SUCLG2: variants seen among roughly 807,000 people sequenced by gnomAD.
SUCLG2 encodes succinate--CoA ligase [GDP-forming] subunit beta, mitochondrial.
A neutral mutation model predicts 47.9 loss-of-function variants in SUCLG2; 42 were observed. The observed-to-expected ratio is 0.88, with a 90% CI of 0.69 to 1.14. The LOEUF (loss-of-function observed/expected upper bound fraction) is 1.14. Ranked by LOEUF, SUCLG2 falls within the 50% of genes most tolerant of loss-of-function variation. The pLI, the probability that SUCLG2 is intolerant of heterozygous loss-of-function variation, is 0.00. For missense variants in SUCLG2, 571 were observed against 525.9 expected (o/e 1.09, Z -0.84); for synonymous variants, 195 against 197.3 (o/e 0.99, Z 0.10).
intron 10 of SUCLG2, among the ~76,000 whole-genome samples, chr3:67,385,254 G>A (rs1702236350): frequency 6.6e-6 from 1 of 152,132 alleles, no homozygotes; most frequent in South Asian, 2.1e-4. Context: ...TATAAAAATG[G>A]CCACACCCAC....
intron 9 of SUCLG2, among the ~76,000 whole-genome samples, chr3:67,406,366 T>C (rs893889001): frequency 6.6e-6 from 1 of 152,132 alleles, no homozygotes; most frequent in Admixed American, 6.6e-5. Flanking sequence ...AGGTTCTATA[T>C]ATCTAAAACT....
At chr3:67,410,869 A>G (rs1702918960) in intron 9 of SUCLG2, among the ~76,000 whole-genome samples, 2 of 152,352 alleles carry the variant, frequency 1.3e-5, no homozygotes, top group Non-Finnish European at 2.9e-5. Flanking sequence ...CAGGATACTC[A>G]TTGCTTATAA....
chr3:67,488,934 T>G (rs1447444139), intron 9 of SUCLG2, among the ~76,000 whole-genome samples: 1 of 152,186 alleles, frequency 6.6e-6, no homozygotes, highest in African/African-American at 2.4e-5. Context: ...TCTGTTAAAT[T>G]ATTCAAGTCA....
chr3:67,400,541 A>G, intron 10 of SUCLG2, among the ~76,000 whole-genome samples, 190 bp downstream of exon 10: 1 of 152,174 alleles, frequency 6.6e-6, no homozygotes, highest in Middle Eastern at 3.2e-3. Flanking sequence ...AACACCTGCC[A>G]TACTTGGAGA....
intron 6 of SUCLG2, among the ~76,000 whole-genome samples, chr3:67,512,919 CTATA>C (rs1217085096): frequency 1.3e-5 from 2 of 150,476 alleles, no homozygotes; most frequent in East Asian, 3.9e-4. Context: ...ACACCCCCCT[CTATA>C]TATACGCACA....
At chr3:67,614,576 C>T (rs1700590672) in intron 1 of SUCLG2, among the ~76,000 whole-genome samples, 1 of 152,028 alleles carries the variant, frequency 6.6e-6, no homozygotes, top group Admixed American at 6.6e-5. Context: ...TATTAAATGA[C>T]CTCACAAAAT....
intron 1 of SUCLG2, among the ~76,000 whole-genome samples, chr3:67,628,002 A>T (rs1700864122): frequency 6.6e-6 from 1 of 151,800 alleles, no homozygotes; most frequent in Non-Finnish European, 1.5e-5. Flanking sequence ...TTTTTTTTGG[A>T]GTTTTTTGCC....
intron 1 of SUCLG2, among the ~76,000 whole-genome samples, chr3:67,628,859 T>G (rs535918337): frequency 1.3e-5 from 2 of 152,288 alleles, no homozygotes; most frequent in African/African-American, 4.8e-5. Flanking sequence ...GAAAATGAAC[T>G]AATACAGCAA....
In SUCLG2 at chr3:67,398,168, A is replaced by T. The variant is rs1702592895; in HGVS notation, c.1183+2563T>A. On this transcript the variant is annotated intron_variant, in intron 10 of 10. Transcript: ENST00000307227. The stretch of plus-strand genomic sequence containing the variant: ...TGGCAACAAAAGCCAAAATTGACAA[A>T]TGGGATCTAATTAAACTAAAGAGCT... Among the ~76,000 whole-genome samples the T allele has an allele frequency of 2.0e-5, 3 of 150,462 alleles. No homozygotes were observed. In the South Asian group the frequency reaches 6.3e-4, roughly 31 times the overall value.
chr3:67,397,142 T>A (rs1288785288), intron 10 of SUCLG2, among the ~76,000 whole-genome samples: 1 of 151,750 alleles, frequency 6.6e-6, no homozygotes, highest in African/African-American at 2.4e-5. Flanking sequence ...TCACCACTCC[T>A]ATTCAACATA....
intron 10 of SUCLG2, among the ~76,000 whole-genome samples, chr3:67,362,068 C>T (rs1323694926): frequency 6.6e-6 from 1 of 152,130 alleles, no homozygotes; most frequent in Non-Finnish European, 1.5e-5. Flanking sequence ...TAACTGACTC[C>T]CAGACTCATA....
intron 10 of SUCLG2, among the ~76,000 whole-genome samples, chr3:67,383,929 C>G (rs538022253): frequency 6.6e-6 from 1 of 152,220 alleles, no homozygotes; most frequent in African/African-American, 2.4e-5. Flanking sequence ...ACCCAAACAT[C>G]TGCATGTGAA....
In SUCLG2 at chr3:67,555,683, G is replaced by C. The variant is rs564258326; in HGVS notation, c.227-26497C>G. Among the ~76,000 whole-genome samples the C allele has an allele frequency of 3.2e-3, 487 of 152,304 alleles. 1 individual carries two copies. Among genetic ancestry groups the C allele is most frequent in the African/African-American group, 0.011 (468 of 41,572 alleles). ...AATCCACTGAATAAAACAAGAATTC[G>C]TAAGTCTTTGATGATATAAATAAGG... is the stretch of plus-strand genomic sequence containing the variant. On this transcript the variant is annotated intron_variant, in intron 2 of 10. Coordinates refer to ENST00000307227, the MANE Select transcript of SUCLG2 (RefSeq NM_003848.4).
At chr3:67,569,277 C>T (rs1707548330) in intron 2 of SUCLG2, among the ~76,000 whole-genome samples, 1 of 152,204 alleles carries the variant, frequency 6.6e-6, no homozygotes, top group African/African-American at 2.4e-5. Flanking sequence ...TTTACTATTT[C>T]TTAGTTTGTT....
intron 9 of SUCLG2, among the ~76,000 whole-genome samples, chr3:67,416,316 T>C (rs1703037942): frequency 6.6e-6 from 1 of 152,250 alleles, no homozygotes; most frequent in African/African-American, 2.4e-5. Context: ...AAAATGTATA[T>C]GCTTTTACCA....
chr3:67,551,989 C>G (rs1035519573), intron 2 of SUCLG2, among the ~76,000 whole-genome samples: 1 of 151,990 alleles, frequency 6.6e-6, no homozygotes, highest in Non-Finnish European at 1.5e-5. Flanking sequence ...CTCACCTATT[C>G]AAGCTCAGGT....
chr3:67,401,745 C>T (rs1235222451), intron 9 of SUCLG2, among the ~76,000 whole-genome samples: 2 of 152,004 alleles, frequency 1.3e-5, no homozygotes, highest in African/African-American at 4.8e-5. Flanking sequence ...ATCAAAATTC[C>T]AACAGTAGAG....
At chr3:67,552,848 G>A (rs536123570) in intron 2 of SUCLG2, among the ~76,000 whole-genome samples, 1 of 152,150 alleles carries the variant, frequency 6.6e-6, no homozygotes, top group South Asian at 2.1e-4. Flanking sequence ...TATCTGATTT[G>A]GCCCCAAATC....
intron 1 of SUCLG2, among the ~76,000 whole-genome samples, chr3:67,638,856 G>C (rs1701051654): frequency 6.6e-6 from 1 of 152,112 alleles, no homozygotes; most frequent in Admixed American, 6.5e-5. Flanking sequence ...TCCAATTTTT[G>C]CCAATAACTG....
Sources: allele counts gnomAD v4.1 joint callset (sites outside exome capture counted in the v4.1 genomes callset), GRCh38; gene constraint gnomAD v4.1.1; transcripts MANE v1.5; gene names NCBI Gene and HGNC (gene_info 2026-07-23, HGNC 2026-07-21).